DOK6: variants seen among roughly 807,000 people sequenced by gnomAD.
DOK6 encodes docking protein 6, also known as downstream of tyrosine kinase 6.
In DOK6, 22 loss-of-function variants were observed where a neutral mutation model predicts 44.0. The observed-to-expected ratio is 0.50, with a 90% CI of 0.36 to 0.71. The LOEUF (loss-of-function observed/expected upper bound fraction) is 0.71, where lower values mean the gene tolerates loss of function less well. Among genes scored for constraint, DOK6 ranks in the 30% least tolerant of loss-of-function variants. The probability of loss-of-function intolerance (pLI) is 0.00; values close to 1 mark genes in which losing one functional copy is unlikely to be tolerated. For synonymous variants in DOK6, 166 were observed against 145.5 expected, an observed-to-expected ratio of 1.14 and a Z score of -1.01; for missense variants, 340 against 416.4, an observed-to-expected ratio of 0.82 and a Z score of 1.60.
rs74177538 is a variant in DOK6 at position 69,847,762 on chromosome 18, T to TAAA, written c.*6389_*6391dup. 5.5e-3 allele frequency: 192 copies of TAAA among 35,142 alleles called. No individual in the cohort carries two copies. The highest frequency in any genetic ancestry group is 0.012 in the African/African-American group (187 of 15,624). 2.2% of individuals were successfully genotyped at this position (35,142 alleles called of 1,614,324 possible). The stretch of plus-strand genomic sequence containing the variant: ...GTTCAAGAAATAATGCTTACTCTTG[T>TAAA]AAAAAAAAAAAATATATATATATGT... On this transcript the variant is annotated 3_prime_UTR_variant, in exon 8 of 8. Transcript: ENST00000382713.
chr18:69,428,952 G>A (rs1054504767), intron 1 of DOK6, among the ~76,000 whole-genome samples: 1 of 152,142 alleles, frequency 6.6e-6, no homozygotes, highest in African/African-American at 2.4e-5. Context: ...AAAGAAATCT[G>A]CAAAATCAAA....
At chr18:69,437,127 G>A (rs183915564) in intron 1 of DOK6, among the ~76,000 whole-genome samples, 134 of 152,262 alleles carry the variant, frequency 8.8e-4, no homozygotes, top group African/African-American at 3.2e-3. Context: ...TCTGATGATA[G>A]TTTCATTTGC....
chr18:69,466,050 C>T (rs1450388992), intron 1 of DOK6, among the ~76,000 whole-genome samples: 2 of 152,090 alleles, frequency 1.3e-5, no homozygotes, highest in Admixed American at 1.3e-4. Flanking sequence ...ACAGTTTTAG[C>T]ATTTGGTAAG....
chr18:69,556,113 T>A (rs564733299), intron 1 of DOK6, among the ~76,000 whole-genome samples: 2 of 152,312 alleles, frequency 1.3e-5, no homozygotes, highest in Non-Finnish European at 2.9e-5. Context: ...AGATTTAAGT[T>A]CTATTGTGTT....
chr18:69,610,420 T>C lies in DOK6; in HGVS notation c.289+10922T>C, dbSNP rs111389341. On this transcript the variant is annotated intron_variant, in intron 3 of 7. Coordinates refer to ENST00000382713, the MANE Select transcript of DOK6 (RefSeq NM_152721.6). ...ACAGGTACAAGAACATTAAGTACAT[T>C]ATGTATAACGGCAAAAAAATTAGAA... Among the ~76,000 whole-genome samples the C allele has an allele frequency of 9.5e-3, 1,454 of 152,264 alleles. 24 individuals are homozygous for C. The highest frequency in any genetic ancestry group is 0.033 in the African/African-American group (1,353 of 41,556).
chr18:69,658,641 A>G (rs1985430873), intron 3 of DOK6, among the ~76,000 whole-genome samples: 1 of 152,162 alleles, frequency 6.6e-6, no homozygotes. Flanking sequence ...TAGTTCTGCT[A>G]CTTATATCTG....
intron 1 of DOK6, among the ~76,000 whole-genome samples, chr18:69,431,376 G>C (rs1978802535): frequency 6.6e-6 from 1 of 152,116 alleles, no homozygotes; most frequent in Non-Finnish European, 1.5e-5. Context: ...TAGCTTCTCT[G>C]AGTCAAAGTA....
At chr18:69,560,119 T>G (rs893044145) in intron 1 of DOK6, among the ~76,000 whole-genome samples, 1 of 152,152 alleles carries the variant, frequency 6.6e-6, no homozygotes, top group African/African-American at 2.4e-5. Flanking sequence ...CCAGATGCTT[T>G]CTTCAGGCTA....
chr18:69,564,454 T>C, intron 1 of DOK6, 33 bp from the exon 2 acceptor site: 1 of 1,589,528 alleles, frequency 6.3e-7, no homozygotes, highest in South Asian at 1.1e-5. Context: ...CATGTAAAAA[T>C]ATGGATAATG....
rs191614989 is a variant in DOK6, at chr18:69,516,234, A to C, written c.67-48253A>C. On this transcript the variant is annotated intron_variant, in intron 1 of 7. Transcript: ENST00000382713. Reference sequence around the variant, plus strand: ...GGTATTGTACTATATTCTGGGAGTTAAGAAGATCCTTTTTTAGAATTTAAA... The same window carrying C: ...GGTATTGTACTATATTCTGGGAGTTCAGAAGATCCTTTTTTAGAATTTAAA... Among the ~76,000 whole-genome samples the C allele has an allele frequency of 1.5e-3, 216 of 145,044 alleles. 6 individuals carry two copies. The East Asian group carries it at 0.034, about 23-fold the overall frequency.
At chr18:69,749,591 G>A (rs180673338) in intron 6 of DOK6, among the ~76,000 whole-genome samples, 65 of 152,204 alleles carry the variant, frequency 4.3e-4, no homozygotes, top group Non-Finnish European at 7.2e-4. Flanking sequence ...TTTAAAGAGG[G>A]ATACTTCATC....
intron 1 of DOK6, among the ~76,000 whole-genome samples, chr18:69,541,465 A>T (rs963290171): frequency 1.3e-5 from 2 of 151,486 alleles, no homozygotes; most frequent in African/African-American, 4.8e-5. Context: ...ACCATTTCCA[A>T]TCATTTATGA....
chr18:69,514,135 T>C (rs773343201), intron 1 of DOK6, among the ~76,000 whole-genome samples: 192 of 152,130 alleles, frequency 1.3e-3, no homozygotes, highest in Non-Finnish European at 7.5e-4. Context: ...TTTGATTACC[T>C]GTTTGTGTAA....
intron 1 of DOK6, among the ~76,000 whole-genome samples, chr18:69,441,233 A>T (rs2122441746): frequency 6.6e-6 from 1 of 152,232 alleles, no homozygotes; most frequent in East Asian, 1.9e-4. Context: ...TGTTACTGTA[A>T]CGTCAAAAAT....
chr18:69,644,992 A>G (rs982095744), intron 3 of DOK6, among the ~76,000 whole-genome samples: 1 of 152,248 alleles, frequency 6.6e-6, no homozygotes, highest in African/African-American at 2.4e-5. Context: ...ACAGATTCAT[A>G]GGGAAATTTC....
At chr18:69,476,357 C>G (rs80164673) in intron 1 of DOK6, among the ~76,000 whole-genome samples, 12,663 of 152,138 alleles carry the variant, frequency 0.083, 1,658 homozygotes, top group African/African-American at 0.28. Flanking sequence ...TATTCCTACG[C>G]TCTTTGTCTA....
At chr18:69,705,697 T>C (rs1986617637) in intron 5 of DOK6, among the ~76,000 whole-genome samples, 1 of 152,154 alleles carries the variant, frequency 6.6e-6, no homozygotes, top group South Asian at 2.1e-4. Context: ...TGTCTCAGAG[T>C]TCTCTTTTCC....
At position 69,509,866 on chromosome 18, in the gene DOK6, G is replaced by A. The variant is rs1599165650; in HGVS notation, c.67-54621G>A. On this transcript the variant is annotated intron_variant, in intron 1 of 7. Coordinates refer to ENST00000382713, the MANE Select transcript of DOK6 (RefSeq NM_152721.6). ...TTGTGCCATCGTTGAGATTCTCAGG[G>A]TGTTATGTATTTATGCAAGAGCAAA... 2.0e-5 allele frequency among the ~76,000 whole-genome samples: 3 copies of A among 152,090 alleles called. 1 individual carries two copies. The East Asian group carries it at 5.8e-4, about 29-fold the overall frequency.
chr18:69,652,731 T>G (rs1258438433), intron 3 of DOK6, among the ~76,000 whole-genome samples: 1 of 152,176 alleles, frequency 6.6e-6, no homozygotes, highest in Non-Finnish European at 1.5e-5. Flanking sequence ...TGGCCTTGGC[T>G]CATTTCCCAG....
Sources: allele counts gnomAD v4.1 joint callset (sites outside exome capture counted in the v4.1 genomes callset), GRCh38; gene constraint gnomAD v4.1.1; transcripts MANE v1.5; gene names NCBI Gene and HGNC (gene_info 2026-07-23, HGNC 2026-07-21).